Variants in COLEC12 observed in about 807,000 individuals in gnomAD.
COLEC12 encodes collectin-12.
In COLEC12, 33 loss-of-function variants were observed where a neutral mutation model predicts 71.1. That is an observed-to-expected ratio of 0.46 (90% confidence interval 0.35 to 0.62). COLEC12 has a LOEUF of 0.62. Among genes scored for constraint, COLEC12 ranks in the 20% least tolerant of loss-of-function variants. COLEC12 has a pLI of 0.00. For synonymous variants in COLEC12, 350 were observed against 353.0 expected (o/e 0.99, Z 0.10); for missense variants, 765 against 916.1 (o/e 0.84, Z 2.13).
At chr18:379,740 G>A (rs750534130) in intron 2 of COLEC12, among the ~76,000 whole-genome samples, 12 of 152,178 alleles carry the variant, frequency 7.9e-5, no homozygotes, top group Non-Finnish European at 1.6e-4. Context: ...TGGTTCGGTC[G>A]AGAAAGCCGA....
At chr18:341,103 C>T (rs1021207278) in intron 5 of COLEC12, among the ~76,000 whole-genome samples, 9 of 152,210 alleles carry the variant, frequency 5.9e-5, no homozygotes, top group African/African-American at 2.2e-4. Context: ...TCATGTGCAC[C>T]TTTCAAGTTT....
chr18:432,460 T>C (rs1916322920), intron 2 of COLEC12, among the ~76,000 whole-genome samples: 1 of 152,194 alleles, frequency 6.6e-6, no homozygotes, highest in African/African-American at 2.4e-5. Context: ...TCTCAATTTC[T>C]TTATACAAAA....
chr18:482,221 T>A (rs1184116699), intron 1 of COLEC12, among the ~76,000 whole-genome samples: 1 of 151,560 alleles, frequency 6.6e-6, no homozygotes, highest in Non-Finnish European at 1.5e-5. Flanking sequence ...GTTCAAGTGA[T>A]TCTCCTGCCT....
At chr18:372,769 C>T (rs1197638800) in intron 2 of COLEC12, among the ~76,000 whole-genome samples, 2 of 152,134 alleles carry the variant, frequency 1.3e-5, no homozygotes, top group African/African-American at 2.4e-5. Context: ...CAAAATAGAA[C>T]ATTTAGTAAT....
chr18:492,238 A>T (rs1048321799), intron 1 of COLEC12, among the ~76,000 whole-genome samples: 2 of 152,214 alleles, frequency 1.3e-5, no homozygotes, highest in Non-Finnish European at 2.9e-5. Flanking sequence ...TAGACATAAA[A>T]TGACTCCAAT....
intron 3 of COLEC12, among the ~76,000 whole-genome samples, chr18:349,870 C>T (rs962891569): frequency 1.3e-5 from 2 of 152,192 alleles, no homozygotes; most frequent in African/African-American, 2.4e-5. Context: ...TTTGGAAAGG[C>T]TATATTTACC....
chr18:489,062 G>C (rs1374245026), intron 1 of COLEC12, among the ~76,000 whole-genome samples: 1 of 151,840 alleles, frequency 6.6e-6, no homozygotes, highest in Non-Finnish European at 1.5e-5. Flanking sequence ...AGAAAGGAAA[G>C]ACAGCCACTC....
chr18:428,658 G>A (rs1916242815), intron 2 of COLEC12, among the ~76,000 whole-genome samples: 1 of 152,164 alleles, frequency 6.6e-6, no homozygotes, highest in Non-Finnish European at 1.5e-5. Context: ...AAGCTGCATT[G>A]CATGTAATTA....
At chr18:404,658 T>C (rs1285009024) in intron 2 of COLEC12, among the ~76,000 whole-genome samples, 3 of 152,228 alleles carry the variant, frequency 2.0e-5, no homozygotes, top group African/African-American at 7.2e-5. Context: ...ACCTTTATAA[T>C]TTCTTATGCC....
chr18:403,338 C>G (rs997363709), intron 2 of COLEC12, among the ~76,000 whole-genome samples: 1 of 152,082 alleles, frequency 6.6e-6, no homozygotes, highest in South Asian at 2.1e-4. Context: ...GAAAGAAAAC[C>G]CTTGCAGGTG....
At chr18:352,041 G>A (rs1914534591) in intron 3 of COLEC12, among the ~76,000 whole-genome samples, 1 of 152,148 alleles carries the variant, frequency 6.6e-6, no homozygotes. Context: ...CCAACCCAGG[G>A]AAGCCTGAGC....
intron 2 of COLEC12, among the ~76,000 whole-genome samples, chr18:437,284 A>C (rs1259279644): frequency 1.3e-5 from 2 of 152,196 alleles, no homozygotes; most frequent in Admixed American, 6.5e-5. Context: ...AACATCTGGG[A>C]CGCTGGGCCA....
intron 2 of COLEC12, among the ~76,000 whole-genome samples, chr18:457,482 A>G (rs1916895867): frequency 6.6e-6 from 1 of 152,212 alleles, no homozygotes; most frequent in Non-Finnish European, 1.5e-5. Context: ...AGGCAAGTAC[A>G]GTATTGAAGC....
At chr18:373,615 C>T (rs79842514) in intron 2 of COLEC12, among the ~76,000 whole-genome samples, 6,816 of 152,218 alleles carry the variant, frequency 0.045, 198 homozygotes, top group Middle Eastern at 0.085. Context: ...TAACAAATCT[C>T]GTTGTCAATT....
At chr18:412,154 T>C (rs1915904980) in intron 2 of COLEC12, among the ~76,000 whole-genome samples, 1 of 152,000 alleles carries the variant, frequency 6.6e-6, no homozygotes, top group African/African-American at 2.4e-5. Context: ...AAAATACACA[T>C]CAAGACACAT....
chr18:461,228 A>C (rs1459114280), intron 2 of COLEC12, among the ~76,000 whole-genome samples: 1 of 152,184 alleles, frequency 6.6e-6, no homozygotes, highest in African/African-American at 2.4e-5. Context: ...GTGTAATTTA[A>C]ATTTTTTCTA....
intron 9 of COLEC12, 51 bp from the exon 10 acceptor site, chr18:320,115 T>A (rs746368090): frequency 5.7e-6 from 6 of 1,045,740 alleles, no homozygotes; most frequent in Non-Finnish European, 8.8e-6. Flanking sequence ...ATAATAAAGT[T>A]AATGTGCAAT....
At chr18:417,145 G>A (rs2143646692) in intron 2 of COLEC12, among the ~76,000 whole-genome samples, 1 of 152,244 alleles carries the variant, frequency 6.6e-6, no homozygotes, top group South Asian at 2.1e-4. Context: ...ACATCACAGA[G>A]TGTACTTACA....
In COLEC12 at chr18:318,070, G is replaced by A. The variant is rs1479391383; in HGVS notation, c.*1975C>T. On this transcript the variant is annotated 3_prime_UTR_variant, in exon 10 of 10. Coordinates refer to ENST00000400256, the MANE Select transcript of COLEC12 (RefSeq NM_130386.3). Reference sequence around the variant, plus strand: ...CGGCTCACTGCAAGCTCCGCTTCCTGGGTTCACGCCATTCTCCTGCCTCAG... The same window carrying A: ...CGGCTCACTGCAAGCTCCGCTTCCTAGGTTCACGCCATTCTCCTGCCTCAG... The A allele has an allele frequency of 6.8e-6, 1 of 148,114 alleles. No homozygotes were observed. The highest frequency in any genetic ancestry group is 6.7e-5 in the Admixed American group (1 of 14,884). 9.2% of individuals were successfully genotyped at this position (148,114 alleles called of 1,614,324 possible).
Sources: allele counts gnomAD v4.1 joint callset (sites outside exome capture counted in the v4.1 genomes callset), GRCh38; gene constraint gnomAD v4.1.1; transcripts MANE v1.5; gene names NCBI Gene and HGNC (gene_info 2026-07-23, HGNC 2026-07-21).